Variants in GRID2 observed in about 807,000 individuals in gnomAD.
GRID2 encodes glutamate ionotropic receptor delta type subunit 2, also known as glutamate receptor ionotropic, delta-2.
Under a neutral mutation model 114.8 loss-of-function variants are expected in GRID2, and 33 were observed. The observed-to-expected ratio is 0.29, with a 90% CI of 0.22 to 0.38. The LOEUF is 0.38. GRID2 is among the 10% of genes least tolerant of loss of function. The pLI is 1.00. For synonymous variants in GRID2, 505 were observed against 449.9 expected, an observed-to-expected ratio of 1.12 and a Z score of -1.55; for missense variants, 1,184 against 1,257.7, an observed-to-expected ratio of 0.94 and a Z score of 0.89.
intron 8 of GRID2, among the ~76,000 whole-genome samples, chr4:93,341,236 G>A (rs1184124720): frequency 1.3e-5 from 2 of 152,054 alleles, no homozygotes; most frequent in Non-Finnish European, 2.9e-5. Flanking sequence ...ATGACCAAAT[G>A]TAAAACAGCA....
chr4:93,013,975 A>C (rs1258720881), intron 2 of GRID2, among the ~76,000 whole-genome samples: 1 of 152,054 alleles, frequency 6.6e-6, no homozygotes, highest in East Asian at 1.9e-4. Flanking sequence ...ATCAAATTTC[A>C]TGGTAAAGAC....
At chr4:92,399,467 T>A (rs1047010565) in intron 1 of GRID2, among the ~76,000 whole-genome samples, 107 of 152,310 alleles carry the variant, frequency 7.0e-4, no homozygotes, top group African/African-American at 2.4e-3. Flanking sequence ...AGATGATAAT[T>A]GTAAGGCTAA....
chr4:93,621,410 A>C (rs1742209068), intron 13 of GRID2, among the ~76,000 whole-genome samples: 1 of 152,194 alleles, frequency 6.6e-6, no homozygotes, highest in African/African-American at 2.4e-5. Context: ...ATATGCTGAC[A>C]TGAAGCTCCC....
intron 8 of GRID2, among the ~76,000 whole-genome samples, chr4:93,296,423 A>G (rs1331194959): frequency 2.6e-5 from 4 of 151,774 alleles, no homozygotes; most frequent in Admixed American, 2.6e-4. Flanking sequence ...CTAGGTGGCT[A>G]TCTTTCAGCC....
intron 2 of GRID2, among the ~76,000 whole-genome samples, chr4:92,682,036 TAAAG>T (rs1430764699): frequency 6.6e-6 from 1 of 151,382 alleles, no homozygotes; most frequent in Non-Finnish European, 1.5e-5. Context: ...AAATAATTAA[TAAAG>T]AAAATCTTTG....
At chr4:92,743,059 T>C (rs1226874741) in intron 2 of GRID2, among the ~76,000 whole-genome samples, 3 of 152,174 alleles carry the variant, frequency 2.0e-5, no homozygotes, top group Admixed American at 6.5e-5. Context: ...GGAAGATCAC[T>C]TGAGTCCAGG....
chr4:93,186,231 A>C (rs1740408898), intron 4 of GRID2, among the ~76,000 whole-genome samples: 1 of 152,172 alleles, frequency 6.6e-6, no homozygotes, highest in South Asian at 2.1e-4. Context: ...TTATAGTAGC[A>C]TGATTTATAT....
chr4:92,888,421 G>C (rs1211225917), intron 2 of GRID2, among the ~76,000 whole-genome samples: 1 of 151,886 alleles, frequency 6.6e-6, no homozygotes, highest in African/African-American at 2.4e-5. Context: ...CCAAGCCTGG[G>C]GTTTAAATGA....
chr4:93,773,231 CATATATATGCACCTATATAATGTGT>C lies in GRID2; in HGVS notation c.*742_*766del. 1 of 151,898 alleles carries C rather than the reference CATATATATGCACCTATATAATGTGT, an allele frequency of 6.6e-6. No individual in the cohort carries two copies. The highest frequency in any genetic ancestry group is 1.9e-4 in the East Asian group (1 of 5,194). The allele number at this position is 151,898 out of a possible 1,614,324, so 9.4% of individuals were successfully genotyped here. A position where few individuals can be genotyped will look rare whatever the true frequency, so the allele number is the denominator to read the frequency against. On this transcript the variant is annotated 3_prime_UTR_variant, in exon 16 of 16. Transcript: ENST00000282020. ...AATAAATTAGTATTTCATATATATA[CATATATATGCACCTATATAATGTGT>C]ATATATATAAAAAGGCAGCCATTGC...
At chr4:93,539,274 A>G (rs922524572) in intron 13 of GRID2, among the ~76,000 whole-genome samples, 1 of 151,960 alleles carries the variant, frequency 6.6e-6, no homozygotes, top group Non-Finnish European at 1.5e-5. Flanking sequence ...ATTTCTATTC[A>G]CAGCTGACCC....
At chr4:93,398,082 A>G (rs1765507134) in intron 9 of GRID2, among the ~76,000 whole-genome samples, 1 of 143,008 alleles carries the variant, frequency 7.0e-6, no homozygotes, top group East Asian at 2.0e-4. Context: ...TCTGATCTCA[A>G]GAGGAAACTG....
chr4:93,769,361 C>A lies in GRID2; in HGVS notation c.2512C>A (p.Leu838Met), dbSNP rs750579861. 6.2e-7 allele frequency: 1 copy of A among 1,613,886 alleles called. No individual in the cohort carries two copies. Among genetic ancestry groups the A allele is most frequent in the African/African-American group, 1.3e-5 (1 of 74,878 alleles). ...GAGCTTTGCAGGGGTCTTTTGTATC[C>A]TGGCTGCTGGAATTGTCCTCTCCTG... is the stretch of plus-strand genomic sequence containing the variant. ...IKSFAGVFCILAAGIVLSCFI... is the reference protein window; with the variant it reads ...IKSFAGVFCIMAAGIVLSCFI... Residue 838 changes from leucine (L) to methionine (M), a missense_variant, in exon 15 of 16, where the codon CTG becomes ATG. Leu to Met is a conservative substitution (Grantham distance 15). Coordinates refer to ENST00000282020, the MANE Select transcript of GRID2 (RefSeq NM_001510.4).
chr4:93,116,358 C>T (rs570428541), intron 4 of GRID2, among the ~76,000 whole-genome samples: 12 of 152,162 alleles, frequency 7.9e-5, no homozygotes, highest in African/African-American at 2.6e-4. Flanking sequence ...TAAAAGTTGG[C>T]TTTATAAGAT....
intron 2 of GRID2, among the ~76,000 whole-genome samples, chr4:92,624,206 A>C (rs1730411306): frequency 6.6e-6 from 1 of 151,856 alleles, no homozygotes; most frequent in Non-Finnish European, 1.5e-5. Context: ...AATTATCCAA[A>C]GTATACACAA....
At chr4:92,332,539 C>T (rs1726949143) in intron 1 of GRID2, among the ~76,000 whole-genome samples, 1 of 152,146 alleles carries the variant, frequency 6.6e-6, no homozygotes, top group African/African-American at 2.4e-5. Flanking sequence ...TCATTTCATC[C>T]TATAGTCCCC....
At chr4:92,685,342 A>G (rs1459172408) in intron 2 of GRID2, among the ~76,000 whole-genome samples, 4 of 152,052 alleles carry the variant, frequency 2.6e-5, no homozygotes, top group Non-Finnish European at 4.4e-5. Context: ...ACAGGTAAAT[A>G]CAAGTGAAAG....
At chr4:93,523,407 A>G (rs559499228) in intron 13 of GRID2, among the ~76,000 whole-genome samples, 12 of 152,230 alleles carry the variant, frequency 7.9e-5, no homozygotes, top group Admixed American at 2.0e-4. Context: ...ACAACAAATT[A>G]TGTGACCTCC....
chr4:93,680,187 A>G (rs1323513356), intron 14 of GRID2, among the ~76,000 whole-genome samples: 1 of 152,116 alleles, frequency 6.6e-6, no homozygotes, highest in East Asian at 1.9e-4. Flanking sequence ...GAAGAAATGG[A>G]TAAATTCCTT....
intron 2 of GRID2, among the ~76,000 whole-genome samples, chr4:92,780,628 T>C (rs1190954441): frequency 6.6e-6 from 1 of 152,120 alleles, no homozygotes; most frequent in Non-Finnish European, 1.5e-5. Context: ...CCTTAAGGTT[T>C]CAATCCTTAT....
Sources: allele counts gnomAD v4.1 joint callset (sites outside exome capture counted in the v4.1 genomes callset), GRCh38; gene constraint gnomAD v4.1.1; transcripts MANE v1.5; gene names NCBI Gene and HGNC (gene_info 2026-07-23, HGNC 2026-07-21).